MOBP: variants seen among roughly 807,000 people sequenced by gnomAD.
MOBP encodes myelin associated oligodendrocyte basic protein.
Under a neutral mutation model 15.0 loss-of-function variants are expected in MOBP, and 5 were observed. That is an observed-to-expected ratio of 0.33 (90% CI 0.17 to 0.70). The LOEUF is 0.70. Among genes scored for constraint, MOBP ranks in the 30% least tolerant of loss-of-function variants. The pLI, the probability that MOBP is intolerant of heterozygous loss-of-function variation, is 0.67. For synonymous variants in MOBP, 88 were observed against 99.0 expected, an observed-to-expected ratio of 0.89 and a Z score of 0.66; for missense variants, 188 against 257.8, an observed-to-expected ratio of 0.73 and a Z score of 1.85.
chr3:39,471,972 AG>A (rs1031552291), intron 1 of MOBP, among the ~76,000 whole-genome samples: 2 of 152,214 alleles, frequency 1.3e-5, no homozygotes, highest in African/African-American at 4.8e-5. Flanking sequence ...TCAAGTCCAA[AG>A]GGTTTTCTAT....
At chr3:39,477,999 T>G (rs937848984) in intron 1 of MOBP, among the ~76,000 whole-genome samples, 3 of 152,078 alleles carry the variant, frequency 2.0e-5, no homozygotes, top group African/African-American at 4.8e-5. Context: ...TAAAGTAAAA[T>G]GTTACAGTAA....
chr3:39,527,289 C>CACT (rs2043334129), downstream of MOBP: 3 of 152,032 alleles, frequency 2.0e-5, no homozygotes, highest in Non-Finnish European at 2.9e-5. Flanking sequence ...TATACAAAGG[C>CACT]ACTAGTAAGA....
chr3:39,498,632 G>T (rs2042921970), intron 2 of MOBP, among the ~76,000 whole-genome samples: 1 of 152,170 alleles, frequency 6.6e-6, no homozygotes, highest in Admixed American at 6.5e-5. Context: ...TTTACTAAAG[G>T]AGGGAGAAAA....
At position 39,502,545 on chromosome 3, in the gene MOBP, C is replaced by G. The variant is rs753773041; in HGVS notation, c.217C>G (p.Arg73Gly). Residue 73 changes from arginine (R) to glycine (G), a missense_variant, in exon 4 of 4, where the codon CGT becomes GGT. By Grantham distance (125) the Arg-to-Gly change is moderately radical. Transcript: ENST00000684792. The surrounding 1 kb of genome is among the most constrained non-coding windows in gnomAD (Gnocchi z 6.3). ...CACQKTRTSR[R>G]AKSPQRPKQQ... ...TTTTGGCCCTCTCAGAACCAGCCGCCGTGCCAAGTCCCCTCAGAGGCCCAA... is the reference window on the plus strand; with the variant it reads ...TTTTGGCCCTCTCAGAACCAGCCGCGGTGCCAAGTCCCCTCAGAGGCCCAA... The G allele has an allele frequency of 2.5e-6, 4 of 1,579,278 alleles. No homozygotes were observed. The highest frequency in any genetic ancestry group is 3.4e-6 in the Non-Finnish European group (4 of 1,171,410).
rs192371110 is a variant in MOBP, at chr3:39,514,271, T to C, written c.*888T>C. On this transcript the variant is annotated 3_prime_UTR_variant, in exon 5 of 5. Coordinates refer to the MOBP transcript ENST00000311042. ...CATCTGAACTATCCCAACTCTAGAA[T>C]TGACTGCTTTCGAATTGTGTGACCT... The C allele has an allele frequency of 2.0e-5, 3 of 152,388 alleles. No individual in the cohort carries two copies. The East Asian group carries it at 5.8e-4, about 29-fold the overall frequency. 9.4% of individuals were successfully genotyped at this position (152,388 alleles called of 1,614,324 possible).
At chr3:39,497,688 A>G (rs890927856) in intron 2 of MOBP, among the ~76,000 whole-genome samples, 1 of 152,248 alleles carries the variant, frequency 6.6e-6, no homozygotes, top group East Asian at 1.9e-4. Context: ...ACTATACACA[A>G]TGGTGCTCAG....
At chr3:39,471,699 C>A (rs771099313) in intron 1 of MOBP, among the ~76,000 whole-genome samples, 1 of 152,144 alleles carries the variant, frequency 6.6e-6, no homozygotes, top group Non-Finnish European at 1.5e-5. Context: ...TCTGGCATGC[C>A]GGCATGCCCC....
At chr3:39,499,572 G>A (rs2042940536) in intron 2 of MOBP, 1 of 153,768 alleles carries the variant, frequency 6.5e-6, no homozygotes. Context: ...CCTTCCATGA[G>A]GTGAAGCGCT....
At chr3:39,486,198 T>G (rs916237090) in intron 2 of MOBP, among the ~76,000 whole-genome samples, 37 of 152,342 alleles carry the variant, frequency 2.4e-4, no homozygotes, top group African/African-American at 8.2e-4. Flanking sequence ...GTCCTGGGAC[T>G]CCATTTACTA....
At position 39,502,424 on chromosome 3, in the gene MOBP, A is replaced by G; in HGVS notation, c.207-111A>G. ...CGGAAGGCACTCCAGGGAGACTGGA[A>G]GGTGGGTGGGGGAGCAGGGCCTTCC... On this transcript the variant is annotated intron_variant, in intron 3 of 3. Coordinates refer to ENST00000684792, the MANE Select transcript of MOBP (RefSeq NM_001393704.1). This position sits in a 1 kb window ranked among gnomAD's most constrained non-coding sequence, Gnocchi z 6.3. 2 of 1,523,298 alleles carry G rather than the reference A, an allele frequency of 1.3e-6. 1 individual carries two copies. The highest frequency in any genetic ancestry group is 2.5e-5 in the South Asian group (2 of 80,824). 94.4% of individuals were successfully genotyped at this position (1,523,298 alleles called of 1,614,324 possible).
intron 3 of MOBP, among the ~76,000 whole-genome samples, chr3:39,524,062 G>A (rs569116788): frequency 4.6e-5 from 7 of 152,204 alleles, no homozygotes; most frequent in Non-Finnish European, 8.8e-5. Context: ...ATAAAGAGAG[G>A]GAGGGGCTGG....
At chr3:39,497,709 C>T (rs2042907525) in intron 2 of MOBP, among the ~76,000 whole-genome samples, 1 of 152,202 alleles carries the variant, frequency 6.6e-6, no homozygotes, top group South Asian at 2.1e-4. Context: ...TAAACTGTTA[C>T]TTCTTCGCTG....
Position 39,502,439 on chromosome 3 carries a change from C to A in MOBP, c.207-96C>A. 6.6e-7 allele frequency: 1 copy of A among 1,523,570 alleles called. No homozygotes were observed. The highest frequency in any genetic ancestry group is 1.2e-5 in the South Asian group (1 of 81,350). The allele number at this position is 1,523,570 out of a possible 1,614,324, so 94.4% of individuals were successfully genotyped here. A position where few individuals can be genotyped will look rare whatever the true frequency, so the allele number is the denominator to read the frequency against. On this transcript the variant is annotated intron_variant, in intron 3 of 3. Coordinates refer to ENST00000684792, the MANE Select transcript of MOBP (RefSeq NM_001393704.1). The surrounding 1 kb of genome is among the most constrained non-coding windows in gnomAD (Gnocchi z 6.3). ...GGAGACTGGAAGGTGGGTGGGGGAG[C>A]AGGGCCTTCCTACCTGTTTCCAGCT...
chr3:39,513,660 C>T (rs1023640233), exon 5 of MOBP: 15 of 541,228 alleles, frequency 2.8e-5, no homozygotes, highest in East Asian at 8.8e-5. Flanking sequence ...TCCAGCAGCA[C>T]CCGCAGGCTC....
At chr3:39,511,057 G>T (rs1183104333) in intron 4 of MOBP, among the ~76,000 whole-genome samples, 1 of 152,168 alleles carries the variant, frequency 6.6e-6, no homozygotes, top group Admixed American at 6.5e-5. Flanking sequence ...ATTGGCACGA[G>T]CATTCTTTGG....
chr3:39,511,420 A>ATT (rs1403564086), intron 4 of MOBP, among the ~76,000 whole-genome samples: 1 of 152,178 alleles, frequency 6.6e-6, no homozygotes, highest in African/African-American at 2.4e-5. Context: ...TGACTAGAGC[A>ATT]TTTTATATAG....
intron 2 of MOBP, among the ~76,000 whole-genome samples, chr3:39,489,028 T>A (rs576733498): frequency 6.6e-6 from 1 of 152,330 alleles, no homozygotes; most frequent in South Asian, 2.1e-4. Context: ...GTCTTTCTCA[T>A]GCCTTGCCCC....
chr3:39,523,563 C>T (rs1321708633), intron 3 of MOBP, among the ~76,000 whole-genome samples: 1 of 151,958 alleles, frequency 6.6e-6, no homozygotes, highest in Non-Finnish European at 1.5e-5. Context: ...TTCATAATTT[C>T]TTTTTTTTAT....
At chr3:39,468,227 C>T (rs1424667235) in intron 1 of MOBP, among the ~76,000 whole-genome samples, 2 of 151,976 alleles carry the variant, frequency 1.3e-5, no homozygotes, top group Non-Finnish European at 2.9e-5. Flanking sequence ...CAAATCTTTT[C>T]GGAATTCTGC....
Sources: gnomAD v4.1 joint callset for allele counts (sites outside exome capture counted in the v4.1 genomes callset) on GRCh38, gnomAD v4.1.1 for gene constraint, Gnocchi (gnomAD v3.1) non-coding constraint, MANE v1.5 for transcripts, NCBI Gene and HGNC (gene_info 2026-07-23, HGNC 2026-07-21) for gene names.